Variants in ZNF420 observed in about 807,000 individuals in gnomAD.
ZNF420 encodes zinc finger protein 420, also known as ATM and p53-associated KZNF protein.
ZNF420 carries 31 observed loss-of-function variants against 44.7 expected under a neutral mutation model. The observed-to-expected ratio is 0.69, with a 90% CI of 0.52 to 0.94. ZNF420 has a LOEUF of 0.94. Among genes scored for constraint, ZNF420 ranks in the 40% least tolerant of loss-of-function variants. ZNF420 has a pLI of 0.00. For synonymous variants in ZNF420, 245 were observed against 267.4 expected (o/e 0.92, Z 0.82); for missense variants, 681 against 827.9 (o/e 0.82, Z 2.18).
In ZNF420 at chr19:37,081,700, A is replaced by ATTTT. The variant is rs35066350; in HGVS notation, c.-81+1334_-81+1337dup. Reference sequence around the variant, plus strand: ...ACGACCATGCCCAGCTAATTTTTGTATTTTTTTTTTTTTTTTTTTTTTTTT... The same window carrying ATTTT: ...ACGACCATGCCCAGCTAATTTTTGTATTTTTTTTTTTTTTTTTTTTTTTTTTTTT... On this transcript the variant is annotated intron_variant, in intron 2 of 4. Coordinates refer to ENST00000337995, the MANE Select transcript of ZNF420 (RefSeq NM_144689.5). 4.1e-3 allele frequency among the ~76,000 whole-genome samples: 273 copies of ATTTT among 66,896 alleles called. 10 individuals are homozygous for ATTTT. The East Asian group carries it at 0.049, about 12-fold the overall frequency. 43.9% of individuals were successfully genotyped at this position (66,896 alleles called of 152,430 possible).
chr19:37,093,463 C>T (rs988061158), intron 4 of ZNF420, among the ~76,000 whole-genome samples: 7 of 152,062 alleles, frequency 4.6e-5, no homozygotes, highest in Admixed American at 1.3e-4. Context: ...CCTCGTGATC[C>T]GCCCACCTCC....
At chr19:37,044,551 C>T (rs562760081) in intron 1 of ZNF420, among the ~76,000 whole-genome samples, 1 of 152,256 alleles carries the variant, frequency 6.6e-6, no homozygotes, top group East Asian at 1.9e-4. Context: ...CCCAAGCACA[C>T]TGCTACTGTT....
intron 1 of ZNF420, among the ~76,000 whole-genome samples, chr19:37,070,952 C>T (rs1968047948): frequency 6.6e-6 from 1 of 152,172 alleles, no homozygotes; most frequent in Admixed American, 6.6e-5. Flanking sequence ...CTAGAACACA[C>T]TCGTTCTTTT....
intron 1 of ZNF420, among the ~76,000 whole-genome samples, chr19:37,036,477 G>A (rs1967356835): frequency 6.6e-6 from 1 of 152,086 alleles, no homozygotes; most frequent in South Asian, 2.1e-4. Flanking sequence ...CGTTCATTCA[G>A]CACTGAGCCA....
intron 1 of ZNF420, among the ~76,000 whole-genome samples, chr19:37,029,408 A>C (rs565588953): frequency 6.6e-6 from 1 of 152,166 alleles, no homozygotes; most frequent in Non-Finnish European, 1.5e-5. Context: ...GCATACATAA[A>C]ATTCAATTCA....
At chr19:37,122,382 A>G (rs185902557) in intron 4 of ZNF420, among the ~76,000 whole-genome samples, 2,906 of 146,476 alleles carry the variant, frequency 0.02, 77 homozygotes, top group East Asian at 0.054. Context: ...CAAACACCGC[A>G]TGTTCTCACT....
At chr19:37,045,075 C>A (rs1294914339) in intron 1 of ZNF420, among the ~76,000 whole-genome samples, 3 of 152,158 alleles carry the variant, frequency 2.0e-5, no homozygotes, top group African/African-American at 7.2e-5. Context: ...CTACAATAAC[C>A]TTGTAGGTTT....
chr19:37,111,069 A>G (rs940492210), intron 4 of ZNF420, among the ~76,000 whole-genome samples: 2 of 152,310 alleles, frequency 1.3e-5, no homozygotes, highest in African/African-American at 2.4e-5. Context: ...TAATGTAGCT[A>G]TTTGAGCCAA....
chr19:37,110,456 T>G (rs900251896), intron 4 of ZNF420, among the ~76,000 whole-genome samples: 1 of 152,234 alleles, frequency 6.6e-6, no homozygotes, highest in South Asian at 2.1e-4. Context: ...ATGATACCAG[T>G]AAGTCAGCTT....
chr19:37,067,105 C>G (rs930574242), intron 1 of ZNF420, among the ~76,000 whole-genome samples: 1 of 152,122 alleles, frequency 6.6e-6, no homozygotes, highest in South Asian at 2.1e-4. Flanking sequence ...AATTAATCTA[C>G]AATGGGAAAA....
intron 1 of ZNF420, among the ~76,000 whole-genome samples, chr19:37,057,915 A>C (rs1967789218): frequency 6.6e-6 from 1 of 152,170 alleles, no homozygotes; most frequent in Admixed American, 6.5e-5. Context: ...TTAAAGAGGA[A>C]GCCAGGAACC....
chr19:37,076,361 CTTTTTT>C (rs1234260961), upstream of ZNF420, among the ~76,000 whole-genome samples: 1 of 148,908 alleles, frequency 6.7e-6, no homozygotes, highest in Non-Finnish European at 1.5e-5. Flanking sequence ...GGACATAATT[CTTTTTT>C]ATTTTTATTT....
intron 1 of ZNF420, among the ~76,000 whole-genome samples, chr19:37,046,595 G>A (rs1260050939): frequency 6.6e-6 from 1 of 152,130 alleles, no homozygotes. Context: ...GTTACCGCTG[G>A]GGCTGAAAGG....
intron 1 of ZNF420, among the ~76,000 whole-genome samples, chr19:37,023,354 GTTTTC>G (rs1256768274): frequency 6.6e-6 from 1 of 152,004 alleles, no homozygotes; most frequent in African/African-American, 2.4e-5. Context: ...GCCAGAAAAG[GTTTTC>G]TTTTCTTTCT....
At chr19:37,104,235 GTGTT>G (rs942290593) in intron 4 of ZNF420, among the ~76,000 whole-genome samples, 3 of 151,034 alleles carry the variant, frequency 2.0e-5, no homozygotes, top group Non-Finnish European at 2.9e-5. Context: ...AGAACATGTG[GTGTT>G]TGTTTTTTTG....
intron 1 of ZNF420, among the ~76,000 whole-genome samples, chr19:37,015,196 G>C (rs1568419093): frequency 6.7e-6 from 1 of 148,842 alleles, no homozygotes; most frequent in African/African-American, 2.4e-5. Flanking sequence ...GTGCGCTGGA[G>C]CGCGGTTTCT....
intron 4 of ZNF420, among the ~76,000 whole-genome samples, chr19:37,115,846 A>G (rs769360362): frequency 4.6e-5 from 7 of 152,052 alleles, no homozygotes; most frequent in African/African-American, 1.7e-4. Context: ...TGGCTTTCCT[A>G]GGCAGAGGTT....
intron 3 of ZNF420, among the ~76,000 whole-genome samples, chr19:37,090,688 T>C (rs1023582206): frequency 2.0e-5 from 3 of 151,980 alleles, no homozygotes; most frequent in Non-Finnish European, 4.4e-5. Flanking sequence ...TTGGGAGGCC[T>C]AGTCGGGTGA....
At position 37,113,806 on chromosome 19, in the gene ZNF420, A is replaced by G. The variant is rs566144895; in HGVS notation, c.137-13322A>G. The stretch of plus-strand genomic sequence containing the variant: ...GATCTGCATCTATGTTAACTGGAGG[A>G]TTGGCAGCCCTATTTTTTTGGACCT... On this transcript the variant is annotated intron_variant, in intron 4 of 4. Transcript: ENST00000337995. 2.0e-5 allele frequency among the ~76,000 whole-genome samples: 3 copies of G among 152,200 alleles called. No individual in the cohort carries two copies. In the East Asian group the frequency reaches 5.8e-4, roughly 29 times the overall value.
Sources: gnomAD v4.1 joint callset for allele counts (sites outside exome capture counted in the v4.1 genomes callset) on GRCh38, gnomAD v4.1.1 for gene constraint, MANE v1.5 for transcripts, NCBI Gene and HGNC (gene_info 2026-07-23, HGNC 2026-07-21) for gene names.